NACA: variants seen among roughly 807,000 people sequenced by gnomAD.
NACA encodes the protein nascent polypeptide-associated complex subunit alpha.
In NACA, 42 loss-of-function variants were observed where a neutral mutation model predicts 86.4. The observed-to-expected ratio is 0.49, with a 90% confidence interval of 0.38 to 0.63. The LOEUF (loss-of-function observed/expected upper bound fraction) is 0.63. Among genes scored for constraint, NACA ranks in the 20% least tolerant of loss-of-function variants. The probability of loss-of-function intolerance (pLI) is 0.00; values close to 1 mark genes in which losing one functional copy is unlikely to be tolerated. For missense variants in NACA, 2,157 were observed against 2,483.6 expected, an observed-to-expected ratio of 0.87 and a Z score of 2.80; for synonymous variants, 898 against 973.7, an observed-to-expected ratio of 0.92 and a Z score of 1.45.
intron 2 of NACA, among the ~76,000 whole-genome samples, chr12:56,721,886 C>T (rs1428101903): frequency 6.6e-6 from 1 of 152,082 alleles, no homozygotes; most frequent in Non-Finnish European, 1.5e-5. Context: ...AGAATTCCCA[C>T]GAGAAGAACA....
chr12:56,717,621 G>C lies in NACA; in HGVS notation c.3909C>G (p.Thr1303=). The C allele has an allele frequency of 3.2e-6, 4 of 1,248,408 alleles. No individual in the cohort carries two copies. The highest frequency in any genetic ancestry group is 1.8e-5 in the South Asian group (1 of 54,150). 77.3% of individuals were successfully genotyped at this position (1,248,408 alleles called of 1,614,324 possible). The change falls in exon 3 of 9, where the codon ACC becomes ACG. Residue 1303 remains threonine, a synonymous_variant. Coordinates refer to ENST00000454682, the MANE Select transcript of NACA (RefSeq NM_001365896.1). ...TPPSPKGGPA[T]SPPKGAPTPP... ...GAGTGGGGGCCCCTTTGGGGGGTGA[G>C]GTAGCTGGGCCTCCTTTTGGAGAGG...
In NACA at chr12:56,718,555, G is replaced by T; in HGVS notation, c.2975C>A (p.Thr992Asn). The change falls in exon 3 of 9, where the codon ACT (threonine) becomes AAT (asparagine). Residue 992 changes from threonine (T) to asparagine (N), a missense_variant. By Grantham distance (65) the Thr-to-Asn change is moderately conservative. Transcript: ENST00000454682. ...PKGAPTPPAA[T>N]PPSPKGGPAT... ...TGGACCTCCTTTGGGGGAGGGAGGAGTTGCAGCTGGGGGTGTGGGGGCCCC... is the reference window on the plus strand; with the variant it reads ...TGGACCTCCTTTGGGGGAGGGAGGATTTGCAGCTGGGGGTGTGGGGGCCCC... The T allele has an allele frequency of 1.6e-6, 2 of 1,283,970 alleles. No homozygotes were observed. Among genetic ancestry groups the T allele is most frequent in the Middle Eastern group, 6.3e-4 (2 of 3,150 alleles). The allele number at this position is 1,283,970 out of a possible 1,614,324, so 79.5% of individuals were successfully genotyped here. A position where few individuals can be genotyped will look rare whatever the true frequency, so the allele number is the denominator to read the frequency against.
chr12:56,719,909 C>T lies in NACA; in HGVS notation c.1621G>A (p.Gly541Arg), dbSNP rs200522112. ...GCTTGGGCTGGAGAGAAAGGGGCTC[C>T]TTCAAGAGAGGCAGGTACAGTTTGG... ...DLQTVPASLEGAPFSPAQAGL... is the reference protein window; with the variant it reads ...DLQTVPASLERAPFSPAQAGL... The change falls in exon 3 of 9, where the codon GGA becomes AGA. Residue 541 changes from glycine to arginine, a missense_variant. Gly to Arg is a moderately radical substitution (Grantham distance 125, BLOSUM62 -2). Around this residue, in one of 8 missense-constraint regions of NACA, gnomAD observed 947 missense variants for 917.9 expected, o/e 1.03. Transcript: ENST00000454682. The T allele has an allele frequency of 5.6e-6, 9 of 1,613,718 alleles. No individual in the cohort carries two copies. The South Asian group carries it at 7.7e-5, about 14-fold the overall frequency.
rs1363070006 is a variant in NACA at position 56,720,871 on chromosome 12, A to G, written c.659T>C (p.Met220Thr). ...STVPYHCVTP[M>T]ASIQSGVASL... Reference sequence around the variant, plus strand: ...GGCCACTCCAGATTGAATAGAGGCCATGGGAGTCACACAGTGGTAAGGAAC... The same window carrying G: ...GGCCACTCCAGATTGAATAGAGGCCGTGGGAGTCACACAGTGGTAAGGAAC... The change falls in exon 3 of 9, where the codon ATG (methionine) becomes ACG (threonine). Residue 220 changes from methionine (M) to threonine (T), a missense_variant. Physicochemically the swap from Met to Thr is moderately conservative, Grantham distance 81. This residue lies in a region of NACA where 947 missense variants were observed against 917.9 expected (regional missense o/e 1.03). Coordinates refer to ENST00000454682, the MANE Select transcript of NACA (RefSeq NM_001365896.1). The G allele has an allele frequency of 6.2e-7, 1 of 1,613,986 alleles. No individual in the cohort carries two copies. Among genetic ancestry groups the G allele is most frequent in the South Asian group, 1.1e-5 (1 of 91,086 alleles).
At position 56,720,389 on chromosome 12, in the gene NACA, C is replaced by T. The variant is rs770764998; in HGVS notation, c.1141G>A (p.Val381Ile). Residue 381 changes from valine to isoleucine, a missense_variant, in exon 3 of 9, where the codon GTT becomes ATT. Physicochemically the swap from Val to Ile is conservative, Grantham distance 29. This residue lies in a region of NACA where 947 missense variants were observed against 917.9 expected (regional missense o/e 1.03). Transcript: ENST00000454682. ...VAAFPVVAPSVDKGPSTISSI... is the reference protein window; with the variant it reads ...VAAFPVVAPSIDKGPSTISSI... ...GAGATGGTAGAGGGACCTTTGTCAA[C>T]AGATGGAGCCACCACTGGAAAGGCA... The T allele has an allele frequency of 6.2e-7, 1 of 1,613,744 alleles. No homozygotes were observed. The highest frequency in any genetic ancestry group is 1.3e-5 in the African/African-American group (1 of 74,884).
At chr12:56,713,715 A>G (rs756104260) in intron 5 of NACA, 32 bp from the exon 6 acceptor site, 5 of 1,607,432 alleles carry the variant, frequency 3.1e-6, no homozygotes, top group East Asian at 2.2e-5. Context: ...CAGGTTTTCA[A>G]CCTCTTTAGA....
At chr12:56,714,753 C>A (rs757034980) in intron 3 of NACA, 66 bp from the exon 4 acceptor site, 1 of 1,445,294 alleles carries the variant, frequency 6.9e-7, no homozygotes, top group African/African-American at 1.4e-5. Context: ...TTCACCACAG[C>A]CTGCCCTGGA....
In NACA at chr12:56,719,543, C is replaced by T; in HGVS notation, c.1987G>A (p.Ala663Thr). ...GTTGTATAAGTTGAGGTACCTTTGG[C>T]AGTTGTGGGAGCCACCCCGGCAGGG... ...ADPAGVAPTT[A>T]KGTSTYTTTA... is the part of the protein sequence containing the mutation. The change falls in exon 3 of 9, where the codon GCC becomes ACC. Residue 663 changes from alanine to threonine, a missense_variant. Coordinates refer to ENST00000454682, the MANE Select transcript of NACA (RefSeq NM_001365896.1). The T allele has an allele frequency of 6.2e-7, 1 of 1,613,882 alleles. No homozygotes were observed.
Position 56,721,221 on chromosome 12 carries a change from T to C in NACA, c.309A>G (p.Leu103=), listed in dbSNP as rs1237585950. Residue 103 remains leucine, a synonymous_variant, in exon 3 of 9, where the codon CTA becomes CTG. Transcript: ENST00000454682. ...LGTAPEAPTF[L]PNLIGPPISP... is the part of the protein sequence containing the mutation. ...AGATGGGAGGCCCTATTAGGTTTGG[T>C]AGGAAGGTTGGGGCTTCAGGGGCAG... 6.2e-7 allele frequency: 1 copy of C among 1,613,348 alleles called. No individual in the cohort carries two copies. Among genetic ancestry groups the C allele is most frequent in the East Asian group, 2.2e-5 (1 of 44,848 alleles).
chr12:56,720,428 G>C lies in NACA; in HGVS notation c.1102C>G (p.Pro368Ala). The change falls in exon 3 of 9, where the codon CCT becomes GCT. Residue 368 changes from proline (P) to alanine (A), a missense_variant. Pro to Ala is a conservative substitution (Grantham distance 27). Coordinates refer to ENST00000454682, the MANE Select transcript of NACA (RefSeq NM_001365896.1). ...PPLPSRNEVV[P>A]ATVAAFPVVA... ...ACTGGAAAGGCAGCCACAGTAGCAG[G>C]AACTACCTCATTTCTGGAAGGAAGG... 4 of 1,613,776 alleles carry C rather than the reference G, an allele frequency of 2.5e-6. No individual in the cohort carries two copies. The South Asian group carries it at 3.3e-5, about 13-fold the overall frequency.
rs1953405316 is a variant in NACA, at chr12:56,717,403, G to A, written c.4127C>T (p.Pro1376Leu). ...KEGPTPPAAT[P>L]SHKGGPAMTP... is the part of the protein sequence containing the mutation. ...CATAGCGGGACCTCCTTTGTGGGAG[G>A]GGGTTGCAGCTGGGGGAGTGGGGCC... The change falls in exon 3 of 9, where the codon CCC becomes CTC. Residue 1376 changes from proline (P) to leucine (L), a missense_variant. Around this residue, in one of 8 missense-constraint regions of NACA, gnomAD observed 797 missense variants for 777.6 expected, o/e 1.02. Coordinates refer to ENST00000454682, the MANE Select transcript of NACA (RefSeq NM_001365896.1). 1.5e-6 allele frequency: 2 copies of A among 1,367,372 alleles called. No homozygotes were observed. Among genetic ancestry groups the A allele is most frequent in the Non-Finnish European group, 1.9e-6 (2 of 1,036,548 alleles). 84.7% of individuals were successfully genotyped at this position (1,367,372 alleles called of 1,614,324 possible).
chr12:56,716,154 T>G lies in NACA; in HGVS notation c.5376A>C (p.Ala1792=). ...LPKPESASVS[A]APSPPVSLPL... ...GCAGAGAGACTGGTGGGGAGGGTGCTGCAGAGACAGATGCTGATTCAGGTT... is the reference window on the plus strand; with the variant it reads ...GCAGAGAGACTGGTGGGGAGGGTGCGGCAGAGACAGATGCTGATTCAGGTT... Residue 1792 remains alanine, a synonymous_variant, in exon 3 of 9, where the codon GCA becomes GCC. Coordinates refer to ENST00000454682, the MANE Select transcript of NACA (RefSeq NM_001365896.1). 6.2e-7 allele frequency: 1 copy of G among 1,613,440 alleles called. No homozygotes were observed. The highest frequency in any genetic ancestry group is 1.1e-5 in the South Asian group (1 of 91,066).
Position 56,716,351 on chromosome 12 carries a change from T to TAGAA in NACA, c.5175_5178dup (p.Lys1727PhefsTer2). On this transcript the variant is annotated frameshift_variant, in exon 3 of 9. Transcript: ENST00000454682. LOFTEE classifies it high-confidence loss of function. ...GGAGCCACTGTGGAAAGGGGTCCTT[T>TAGAA]AGAACCATTCTTAGCTGAGGGATCT... 6.2e-7 allele frequency: 1 copy of TAGAA among 1,612,328 alleles called. No homozygotes were observed.
At chr12:56,724,253 C>A (rs560034080) in intron 2 of NACA, among the ~76,000 whole-genome samples, 199 bp downstream of exon 2, 1 of 152,236 alleles carries the variant, frequency 6.6e-6, no homozygotes, top group Non-Finnish European at 1.5e-5. Flanking sequence ...GTACTTTTAA[C>A]GTCCACGAAT....
rs1338815175 is a variant in NACA, at chr12:56,720,317, A to G, written c.1213T>C (p.Phe405Leu). The G allele has an allele frequency of 4.3e-6, 7 of 1,613,840 alleles. No homozygotes were observed. Among genetic ancestry groups the G allele is most frequent in the Non-Finnish European group, 5.9e-6 (7 of 1,179,802 alleles). ...PSGSLNVATSFSLSPTTSLIL... is the reference protein window; with the variant it reads ...PSGSLNVATSLSLSPTTSLIL... ...AGAGAGGTTGTAGGAGATAATGAAA[A>G]AGAGGTAGCTACATTTAAGGAGCCA... Residue 405 changes from phenylalanine to leucine, a missense_variant, in exon 3 of 9, where the codon TTT becomes CTT. Phe to Leu is a conservative substitution (Grantham distance 22). Around this residue, in one of 8 missense-constraint regions of NACA, gnomAD observed 947 missense variants for 917.9 expected, o/e 1.03. Coordinates refer to ENST00000454682, the MANE Select transcript of NACA (RefSeq NM_001365896.1).
intron 5 of NACA, chr12:56,713,902 T>G (rs1592309210): frequency 3.9e-6 from 2 of 514,536 alleles, no homozygotes; most frequent in Non-Finnish European, 6.9e-6. Flanking sequence ...AGTGCAGTGG[T>G]GCAATCTCGG....
Position 56,713,686 on chromosome 12 carries a change from A to G in NACA, c.5824-3T>C. 1 of 1,613,526 alleles carries G rather than the reference A, an allele frequency of 6.2e-7. No individual in the cohort carries two copies. Among genetic ancestry groups the G allele is most frequent in the Non-Finnish European group, 8.5e-7 (1 of 1,179,668 alleles). On this transcript the variant is annotated splice_region_variant and splice_polypyrimidine_tract_variant and intron_variant, in intron 5 of 8. Coordinates refer to ENST00000454682, the MANE Select transcript of NACA (RefSeq NM_001365896.1). ...CGAAGACCCAGTTTGGACATAGCCT[A>G]AAGAAGAGAAAATAGTATCAGGTTT... is the stretch of plus-strand genomic sequence containing the variant.
In NACA at chr12:56,718,941, C is replaced by A; in HGVS notation, c.2589G>T (p.Gly863=). The A allele has an allele frequency of 6.9e-7, 1 of 1,443,200 alleles. No homozygotes were observed. Among genetic ancestry groups the A allele is most frequent in the Non-Finnish European group, 9.4e-7 (1 of 1,069,220 alleles). The allele number at this position is 1,443,200 out of a possible 1,614,324, so 89.4% of individuals were successfully genotyped here. ...GAGTCACAGCTGAGGGAGTAGGGGC[C>A]CCTTTGGGGGATGGAGGAGTGGGAG... ...THSPTPPSPK[G]APTPSAVTPL... is the part of the protein sequence containing the mutation. Residue 863 remains glycine (G), a synonymous_variant, in exon 3 of 9, where the codon GGG becomes GGT. Coordinates refer to ENST00000454682, the MANE Select transcript of NACA (RefSeq NM_001365896.1).
Position 56,714,366 on chromosome 12 carries a change from C to T in NACA, c.5819G>A (p.Arg1940Gln). ...GAAATCCTTTTCAAATCTTACCTTC[C>T]GTGCCTTCTTTTCACTCCGACTCTG... ...AKQSRSEKKARKAMSKLGLRQ... is the reference protein window; with the variant it reads ...AKQSRSEKKAQKAMSKLGLRQ... The change falls in exon 5 of 9, where the codon CGG becomes CAG. Residue 1940 changes from arginine to glutamine, a missense_variant. By Grantham distance (43) the Arg-to-Gln change is conservative. Coordinates refer to ENST00000454682, the MANE Select transcript of NACA (RefSeq NM_001365896.1). The T allele has an allele frequency of 1.9e-6, 3 of 1,614,028 alleles. No homozygotes were observed. The highest frequency in any genetic ancestry group is 2.5e-6 in the Non-Finnish European group (3 of 1,179,920).
Sources: allele counts gnomAD v4.1 joint callset (sites outside exome capture counted in the v4.1 genomes callset), GRCh38; gene constraint gnomAD v4.1.1; regional missense constraint gnomAD v4.1.1; transcripts MANE v1.5; gene names NCBI Gene and HGNC (gene_info 2026-07-23, HGNC 2026-07-21).